The following TPRA1 variants were observed in gnomAD, a reference collection of about 807,000 sequenced individuals.
TPRA1 encodes the protein transmembrane protein adipocyte associated 1.
TPRA1 carries 28 observed loss-of-function variants against 40.1 expected under a neutral mutation model. That is an observed-to-expected ratio of 0.70 (90% confidence interval 0.52 to 0.96). The LOEUF (loss-of-function observed/expected upper bound fraction) is 0.96, where lower values mean the gene tolerates loss of function less well. Ranked by LOEUF, TPRA1 falls within the 40% of genes least tolerant of loss-of-function variation. The pLI is 0.00. For missense variants in TPRA1, 441 were observed against 482.6 expected (o/e 0.91, Z 0.81); for synonymous variants, 219 against 209.7 (o/e 1.04, Z -0.38).
At chr3:127,584,579 T>C (rs1485671622) in intron 1 of TPRA1, among the ~76,000 whole-genome samples, 1 of 146,142 alleles carries the variant, frequency 6.8e-6, no homozygotes, top group Admixed American at 6.9e-5. Context: ...CCCCAACATC[T>C]ACCCTTCCCT....
At position 127,575,420 on chromosome 3, in the gene TPRA1, G is replaced by A. The variant is rs774724591; in HGVS notation, c.756C>T (p.Asp252=). 1.3e-6 allele frequency: 2 copies of A among 1,595,666 alleles called. No individual in the cohort carries two copies. The highest frequency in any genetic ancestry group is 8.5e-7 in the Non-Finnish European group (1 of 1,171,290). ...CCACGCACCAGAGCCCCTCGATGAT[G>A]TCGAAGCACAGCAGCACACTCCCCA... The part of the protein sequence containing the change: ...QGLGSVLLCF[D]IIEGLCCVDA... The change falls in exon 9 of 11, where the codon GAC becomes GAT. Residue 252 remains aspartate, a synonymous_variant. Transcript: ENST00000355552.
At chr3:127,581,921 CAAA>C (rs1169900565) in intron 1 of TPRA1, among the ~76,000 whole-genome samples, 8 of 89,414 alleles carry the variant, frequency 8.9e-5, no homozygotes, top group Admixed American at 1.3e-4. Flanking sequence ...GACTCCATCT[CAAA>C]AAAAAAAAAA....
chr3:127,574,997 G>T, intron 10 of TPRA1, 188 bp downstream of exon 10: 1 of 641,970 alleles, frequency 1.6e-6, no homozygotes, highest in Non-Finnish European at 2.7e-6. Flanking sequence ...CATGTGGGTG[G>T]GTGTGCGTAT....
At position 127,590,541 on chromosome 3, in the gene TPRA1, G is replaced by C. The variant is rs1397885096; in HGVS notation, c.-149C>G. ...TCCAGCGCCAGACCAGGCGGCCTGGGCCGGGAAGCGTCGCGCAAGGACCGG... is the reference window on the plus strand; with the variant it reads ...TCCAGCGCCAGACCAGGCGGCCTGGCCCGGGAAGCGTCGCGCAAGGACCGG... On this transcript the variant is annotated 5_prime_UTR_variant, in exon 1 of 11. Transcript: ENST00000355552. 2 of 152,268 alleles carry C rather than the reference G, an allele frequency of 1.3e-5. No homozygotes were observed. Among genetic ancestry groups the C allele is most frequent in the African/African-American group, 2.4e-5 (1 of 41,472 alleles). 9.4% of individuals were successfully genotyped at this position (152,268 alleles called of 1,614,324 possible). A position where few individuals can be genotyped will look rare whatever the true frequency, so the allele number is the denominator to read the frequency against.
rs1316682355 is a variant in TPRA1 at position 127,580,065 on chromosome 3, G to A, written c.82C>T (p.His28Tyr). ...TCGTAGAGCAGCAGCAGGCAGCGATGAGGCACACTGATGTTTGGTGCCAGG... is the reference window on the plus strand; with the variant it reads ...TCGTAGAGCAGCAGCAGGCAGCGATAAGGCACACTGATGTTTGGTGCCAGG... ...PPLAPNISVP[H>Y]RCLLLLYEDI... The change falls in exon 2 of 11, where the codon CAT becomes TAT. Residue 28 changes from histidine to tyrosine, a missense_variant. By Grantham distance (83) the His-to-Tyr change is moderately conservative. Transcript: ENST00000355552. 7.4e-6 allele frequency: 12 copies of A among 1,613,798 alleles called. No individual in the cohort carries two copies. The highest frequency in any genetic ancestry group is 5.0e-5 in the Admixed American group (3 of 60,012).
intron 2 of TPRA1, 21 bp from the exon 3 acceptor site, chr3:127,579,893 C>T (rs2073773605): frequency 3.1e-6 from 5 of 1,612,310 alleles, no homozygotes; most frequent in African/African-American, 2.7e-5. Flanking sequence ...GGCACAGGAG[C>T]TGGCTCACTG....
In TPRA1 at chr3:127,576,776, A is replaced by T. The variant is rs199567077; in HGVS notation, c.418+45T>A. ...AGTCAGCCCACAGCCAGGGAGGGGC[A>T]GGGGAGAGCATCGCCAGGGCCCAAG... On this transcript the variant is annotated intron_variant, in intron 5 of 10. Transcript: ENST00000355552. The surrounding 1 kb of genome is among the most constrained non-coding windows in gnomAD (Gnocchi z 4.6). 2 of 1,612,956 alleles carry T rather than the reference A, an allele frequency of 1.2e-6. No homozygotes were observed. Among genetic ancestry groups the T allele is most frequent in the East Asian group, 4.5e-5 (2 of 44,876 alleles).
intron 1 of TPRA1, among the ~76,000 whole-genome samples, chr3:127,582,721 C>T (rs1238261963): frequency 2.7e-5 from 4 of 145,596 alleles, no homozygotes; most frequent in Admixed American, 2.7e-4. Context: ...AAAAAAAAGG[C>T]TGGGCACGGT....
In TPRA1 at chr3:127,579,798, G is replaced by C. The variant is rs149024589; in HGVS notation, c.200C>G (p.Ser67Cys). 2 of 1,614,156 alleles carry C rather than the reference G, an allele frequency of 1.2e-6. No individual in the cohort carries two copies. The highest frequency in any genetic ancestry group is 1.7e-6 in the Non-Finnish European group (2 of 1,180,022). ...FLIFLLWKLP[S>C]ARAKIRITSS... Reference sequence around the variant, plus strand: ...GGTGATGCGGATCTTCGCCCGAGCAGATGGAAGCTTCCAGAGCAGGAAGAT... The same window carrying C: ...GGTGATGCGGATCTTCGCCCGAGCACATGGAAGCTTCCAGAGCAGGAAGAT... Residue 67 changes from serine to cysteine, a missense_variant, in exon 3 of 11, where the codon TCT becomes TGT. Ser to Cys is a moderately radical substitution (Grantham distance 112). Coordinates refer to ENST00000355552, the MANE Select transcript of TPRA1 (RefSeq NM_001136053.4).
At chr3:127,577,665 A>G (rs549002807) in intron 3 of TPRA1, among the ~76,000 whole-genome samples, 28 of 151,848 alleles carry the variant, frequency 1.8e-4, no homozygotes, top group Admixed American at 1.5e-3. Flanking sequence ...CAGGTTTCAC[A>G]AAGTGCCTGC....
chr3:127,590,160 G>A (rs1323023722), intron 1 of TPRA1, among the ~76,000 whole-genome samples: 3 of 152,232 alleles, frequency 2.0e-5, no homozygotes, highest in African/African-American at 4.8e-5. Context: ...GCCGCTACGT[G>A]CGGCTCCCTC....
In TPRA1 at chr3:127,579,883, G is replaced by A. The variant is rs769139665; in HGVS notation, c.126-11C>T. Reference sequence around the variant, plus strand: ...TCCCAGTACCGGACCCTGGCGGATGGGCACAGGAGCTGGCTCACTGGCGAG... The same window carrying A: ...TCCCAGTACCGGACCCTGGCGGATGAGCACAGGAGCTGGCTCACTGGCGAG... On this transcript the variant is annotated splice_polypyrimidine_tract_variant and intron_variant, in intron 2 of 10. Transcript: ENST00000355552. 7 of 1,613,012 alleles carry A rather than the reference G, an allele frequency of 4.3e-6. No homozygotes were observed. In the African/African-American group the frequency reaches 9.3e-5, roughly 22 times the overall value.
chr3:127,573,503 A>T lies in TPRA1; in HGVS notation c.*18T>A. The T allele has an allele frequency of 1.2e-6, 2 of 1,603,780 alleles. No homozygotes were observed. Among genetic ancestry groups the T allele is most frequent in the Non-Finnish European group, 1.7e-6 (2 of 1,175,002 alleles). ...GCCTCCTCTCTGGCCTGTCCTCCACAGGCCCTGGCAGCTGCCCTCAGGCAT... is the reference window on the plus strand; with the variant it reads ...GCCTCCTCTCTGGCCTGTCCTCCACTGGCCCTGGCAGCTGCCCTCAGGCAT... On this transcript the variant is annotated 3_prime_UTR_variant, in exon 11 of 11. Transcript: ENST00000355552.
At chr3:127,589,629 C>A (rs759102049) in intron 1 of TPRA1, among the ~76,000 whole-genome samples, 16 of 152,142 alleles carry the variant, frequency 1.1e-4, no homozygotes, top group Non-Finnish European at 1.3e-4. Context: ...CTTCCACCTG[C>A]TGAGCTGGTC....
rs1346560404 is a variant in TPRA1, at chr3:127,571,887, T to A, written c.*1634A>T. On this transcript the variant is annotated 3_prime_UTR_variant, in exon 11 of 11. Coordinates refer to ENST00000355552, the MANE Select transcript of TPRA1 (RefSeq NM_001136053.4). ...CTTCTGTTGATGCCTCTCTGCTCAT[T>A]CACTGCAGCCAGCAAACTTCGGCTG... The A allele has an allele frequency of 6.6e-6, 1 of 152,118 alleles. No homozygotes were observed. Among genetic ancestry groups the A allele is most frequent in the African/African-American group, 2.4e-5 (1 of 41,444 alleles). 9.4% of individuals were successfully genotyped at this position (152,118 alleles called of 1,614,324 possible). A position where few individuals can be genotyped will look rare whatever the true frequency, so the allele number is the denominator to read the frequency against.
In TPRA1 at chr3:127,573,700, CCACA is replaced by C; in HGVS notation, c.939_942del (p.Val314ProfsTer193). 2 of 1,613,466 alleles carry C rather than the reference CCACA, an allele frequency of 1.2e-6. No individual in the cohort carries two copies. Among genetic ancestry groups the C allele is most frequent in the Non-Finnish European group, 1.7e-6 (2 of 1,179,744 alleles). On this transcript the variant is annotated frameshift_variant, in exon 11 of 11. Coordinates refer to ENST00000355552, the MANE Select transcript of TPRA1 (RefSeq NM_001136053.4). LOFTEE classifies it high-confidence loss of function. ...GCAGCCTCCAGGCCCTCCCGCCGGG[CCACA>C]GCGTAGGGCTGGGGTAGGTGTACAT...
intron 3 of TPRA1, 44 bp from the exon 4 acceptor site, chr3:127,577,120 T>G: frequency 6.3e-7 from 1 of 1,589,586 alleles, no homozygotes; most frequent in African/African-American, 1.3e-5. Flanking sequence ...AACAAGAGCC[T>G]CTGCATCGGC....
At chr3:127,591,263 T>A (rs1027250467), upstream of TPRA1, among the ~76,000 whole-genome samples, 4 of 152,142 alleles carry the variant, frequency 2.6e-5, no homozygotes, top group African/African-American at 9.6e-5. Flanking sequence ...CCCAGCGCCC[T>A]GCTCCACGCG....
At chr3:127,589,116 TG>T (rs1394803608) in intron 1 of TPRA1, among the ~76,000 whole-genome samples, 5 of 152,302 alleles carry the variant, frequency 3.3e-5, no homozygotes, top group African/African-American at 9.6e-5. Context: ...TTCTTCCACC[TG>T]GGAGGAGTCT....
Sources: allele counts gnomAD v4.1 joint callset (sites outside exome capture counted in the v4.1 genomes callset), GRCh38; gene constraint gnomAD v4.1.1; non-coding constraint Gnocchi (gnomAD v3.1); transcripts MANE v1.5; gene names NCBI Gene and HGNC (gene_info 2026-07-23, HGNC 2026-07-21).